Variants in KBTBD12 observed in about 807,000 individuals in gnomAD.
KBTBD12 encodes the protein kelch repeat and BTB domain-containing protein 12.
Under a neutral mutation model 58.7 loss-of-function variants are expected in KBTBD12, and 53 were observed. The observed-to-expected ratio is 0.90, with a 90% CI of 0.72 to 1.14. The LOEUF (loss-of-function observed/expected upper bound fraction) is 1.14. Among genes scored for constraint, KBTBD12 ranks in the 50% most tolerant of loss-of-function variants. KBTBD12 has a pLI of 0.00. For missense variants in KBTBD12, 704 were observed against 751.3 expected (o/e 0.94, Z 0.74); for synonymous variants, 236 against 259.8 (o/e 0.91, Z 0.88).
At chr3:127,960,650 C>G (rs549319657) in intron 4 of KBTBD12, among the ~76,000 whole-genome samples, 3 of 152,306 alleles carry the variant, frequency 2.0e-5, no homozygotes, top group African/African-American at 7.2e-5. Flanking sequence ...TCAGTTTAAG[C>G]TCATTAAGTC....
intron 4 of KBTBD12, among the ~76,000 whole-genome samples, chr3:127,932,195 C>T (rs938460708): frequency 3.3e-5 from 5 of 152,100 alleles, no homozygotes; most frequent in African/African-American, 1.2e-4. Flanking sequence ...CCCCAGTGAG[C>T]TTTACCACCC....
intron 5 of KBTBD12, among the ~76,000 whole-genome samples, chr3:127,967,967 A>C (rs997037015): frequency 3.3e-5 from 5 of 152,222 alleles, no homozygotes; most frequent in African/African-American, 1.2e-4. Context: ...AGCAAAGAGC[A>C]GGCATGCTCA....
chr3:127,950,411 T>A (rs1343159377), intron 4 of KBTBD12, among the ~76,000 whole-genome samples: 1 of 152,176 alleles, frequency 6.6e-6, no homozygotes, highest in African/African-American at 2.4e-5. Flanking sequence ...TCAGAATTGA[T>A]GGGAGAAATA....
chr3:127,946,857 A>C (rs1189289937), intron 4 of KBTBD12, among the ~76,000 whole-genome samples: 2 of 152,112 alleles, frequency 1.3e-5, no homozygotes, highest in Admixed American at 6.5e-5. Flanking sequence ...TTTTTTATTG[A>C]ACTATCTTCA....
In KBTBD12 at chr3:127,985,549, C is replaced by T. The variant is rs980462715; in HGVS notation, c.*1271C>T. On this transcript the variant is annotated 3_prime_UTR_variant, in exon 6 of 6. Coordinates refer to ENST00000405109, the MANE Select transcript of KBTBD12 (RefSeq NM_207335.4). ...GTCAGTAAATTCAGAGGGAGACAAA[C>T]CCTAAGTAGAGACAGCTTTCTTTGG... The T allele has an allele frequency of 8.5e-5, 13 of 152,228 alleles. No individual in the cohort carries two copies. Among genetic ancestry groups the T allele is most frequent in the East Asian group, 1.9e-4 (1 of 5,194 alleles). 9.4% of individuals were successfully genotyped at this position (152,228 alleles called of 1,614,324 possible). A position where few individuals can be genotyped will look rare whatever the true frequency, so the allele number is the denominator to read the frequency against.
intron 1 of KBTBD12, among the ~76,000 whole-genome samples, chr3:127,918,582 G>A (rs1168293177): frequency 2.0e-5 from 3 of 152,002 alleles, no homozygotes; most frequent in Non-Finnish European, 4.4e-5. Context: ...GGTGGTGGCG[G>A]GCGCCTGTAG....
At chr3:127,917,196 C>T (rs867876125) in intron 1 of KBTBD12, among the ~76,000 whole-genome samples, 3 of 152,216 alleles carry the variant, frequency 2.0e-5, no homozygotes, top group African/African-American at 4.8e-5. Flanking sequence ...CTACCACTAT[C>T]TTCAGACACT....
At chr3:127,965,703 T>A (rs1342068267) in intron 5 of KBTBD12, among the ~76,000 whole-genome samples, 5 of 152,236 alleles carry the variant, frequency 3.3e-5, no homozygotes, top group Non-Finnish European at 7.3e-5. Flanking sequence ...GTAATAAACA[T>A]AGTAATTTGT....
chr3:127,970,375 A>G (rs1940660982), intron 5 of KBTBD12, among the ~76,000 whole-genome samples: 1 of 152,196 alleles, frequency 6.6e-6, no homozygotes, highest in Non-Finnish European at 1.5e-5. Context: ...CAGTTCCTCA[A>G]GAGGTTGACA....
intron 1 of KBTBD12, among the ~76,000 whole-genome samples, chr3:127,920,090 C>G (rs935122851): frequency 2.6e-5 from 4 of 152,112 alleles, no homozygotes; most frequent in Non-Finnish European, 5.9e-5. Flanking sequence ...TATAATTACC[C>G]TTCATGTCTT....
At chr3:127,925,527 A>T (rs1042762034) in intron 2 of KBTBD12, among the ~76,000 whole-genome samples, 17 of 152,136 alleles carry the variant, frequency 1.1e-4, no homozygotes, top group Admixed American at 6.6e-5. Context: ...CAACCCTGTC[A>T]AAGTGTCTTT....
At chr3:127,916,705 CAAAAAAAA>C (rs1191368373) in intron 1 of KBTBD12, among the ~76,000 whole-genome samples, 1 of 78,076 alleles carries the variant, frequency 1.3e-5, no homozygotes, top group Non-Finnish European at 2.8e-5. Context: ...AAACAAAAAG[CAAAAAAAA>C]AAAAAAAAAC....
At chr3:127,975,315 G>A (rs775299120) in intron 5 of KBTBD12, among the ~76,000 whole-genome samples, 1 of 152,190 alleles carries the variant, frequency 6.6e-6, no homozygotes, top group Non-Finnish European at 1.5e-5. Context: ...AAAATCCTCA[G>A]GCAAAGAGTA....
In KBTBD12 at chr3:127,924,094, C is replaced by G. The variant is rs375446894; in HGVS notation, c.1033C>G (p.Leu345Val). ...IVAGEASASK[L>V]SRQKNKNVEI... ...GGCTGGAGAAGCAAGTGCCTCTAAACTCTCTAGACAAAAGAACAAGAATGT... is the reference window on the plus strand; with the variant it reads ...GGCTGGAGAAGCAAGTGCCTCTAAAGTCTCTAGACAAAAGAACAAGAATGT... The change falls in exon 2 of 6, where the codon CTC (leucine) becomes GTC (valine). Residue 345 changes from leucine to valine, a missense_variant. Coordinates refer to ENST00000405109, the MANE Select transcript of KBTBD12 (RefSeq NM_207335.4). The G allele has an allele frequency of 3.1e-6, 5 of 1,612,510 alleles. No homozygotes were observed. In the East Asian group the frequency reaches 6.7e-5, roughly 22 times the overall value.
chr3:127,920,705 T>TCGTGGCTTAAAG (rs1311537498), intron 1 of KBTBD12, among the ~76,000 whole-genome samples: 1 of 152,108 alleles, frequency 6.6e-6, no homozygotes, highest in Non-Finnish European at 1.5e-5. Flanking sequence ...TGCACCACAT[T>TCGTGGCTTAAAG]AATATTTACA....
At chr3:127,940,301 A>G (rs1470109591) in intron 4 of KBTBD12, among the ~76,000 whole-genome samples, 11 of 152,142 alleles carry the variant, frequency 7.2e-5, no homozygotes, top group Admixed American at 7.2e-4. Context: ...ACCCAGAAAG[A>G]GCACATGGAA....
intron 4 of KBTBD12, among the ~76,000 whole-genome samples, chr3:127,941,323 C>A (rs965823036): frequency 6.6e-6 from 1 of 152,160 alleles, no homozygotes; most frequent in Non-Finnish European, 1.5e-5. Flanking sequence ...GTAGAAAACA[C>A]ACCATGCCAA....
At chr3:127,941,696 G>C (rs898352222) in intron 4 of KBTBD12, among the ~76,000 whole-genome samples, 9 of 152,154 alleles carry the variant, frequency 5.9e-5, no homozygotes, top group African/African-American at 2.2e-4. Flanking sequence ...AATCTTTCGG[G>C]TTCAAGCAAT....
At chr3:127,976,298 T>C (rs1940781279) in intron 5 of KBTBD12, among the ~76,000 whole-genome samples, 1 of 152,250 alleles carries the variant, frequency 6.6e-6, no homozygotes, top group African/African-American at 2.4e-5. Flanking sequence ...TTTCTCTCCA[T>C]GCCAGTCTAA....
Sources: allele counts gnomAD v4.1 joint callset (sites outside exome capture counted in the v4.1 genomes callset), GRCh38; gene constraint gnomAD v4.1.1; transcripts MANE v1.5; gene names NCBI Gene and HGNC (gene_info 2026-07-23, HGNC 2026-07-21).